The following INPP5D variants were observed in gnomAD, a reference collection of about 807,000 sequenced individuals.
INPP5D encodes inositol polyphosphate-5-phosphatase D.
Under a neutral mutation model 122.9 loss-of-function variants are expected in INPP5D, and 33 were observed. The observed-to-expected ratio is 0.27, with a 90% CI of 0.20 to 0.36. The LOEUF (loss-of-function observed/expected upper bound fraction) is 0.36, where lower values mean the gene tolerates loss of function less well. Among genes scored for constraint, INPP5D ranks in the 10% least tolerant of loss-of-function variants. The probability of loss-of-function intolerance (pLI) is 1.00; values close to 1 mark genes in which losing one functional copy is unlikely to be tolerated. For synonymous variants in INPP5D, 584 were observed against 576.2 expected, an observed-to-expected ratio of 1.01 and a Z score of -0.19; for missense variants, 1,053 against 1,412.7, an observed-to-expected ratio of 0.75 and a Z score of 4.08.
intron 24 of INPP5D, among the ~76,000 whole-genome samples, chr2:233,196,142 C>T (rs1267965558): frequency 6.6e-6 from 1 of 152,088 alleles, no homozygotes; most frequent in Non-Finnish European, 1.5e-5. Context: ...CAAAACAAAA[C>T]ACTAGCATGG....
intron 20 of INPP5D, 102 bp from the exon 21 acceptor site, chr2:233,185,741 G>T: frequency 1.5e-4 from 149 of 965,372 alleles, no homozygotes; most frequent in South Asian, 3.4e-4. Flanking sequence ...AAAAAAAGGA[G>T]AGAGCACATC....
At chr2:233,094,261 C>T (rs916520723) in intron 2 of INPP5D, among the ~76,000 whole-genome samples, 6 of 151,748 alleles carry the variant, frequency 4.0e-5, no homozygotes, top group African/African-American at 1.5e-4. Context: ...GCTTGTAATC[C>T]CAGCACTTTG....
intron 1 of INPP5D, among the ~76,000 whole-genome samples, chr2:233,075,046 G>A (rs186087176): frequency 4.7e-5 from 7 of 147,618 alleles, no homozygotes; most frequent in Admixed American, 2.6e-4. Flanking sequence ...GGGTTGACCT[G>A]GTCCAGAAAT....
At chr2:233,106,183 A>G (rs1692464166) in intron 2 of INPP5D, among the ~76,000 whole-genome samples, 1 of 152,086 alleles carries the variant, frequency 6.6e-6, no homozygotes. Context: ...AAATCTCAAT[A>G]CTTAATGACA....
At chr2:233,138,455 T>C (rs991063522) in intron 5 of INPP5D, among the ~76,000 whole-genome samples, 1 of 152,068 alleles carries the variant, frequency 6.6e-6, no homozygotes, top group East Asian at 1.9e-4. Flanking sequence ...AGCCATTAAC[T>C]AGAAATCAGC....
At chr2:233,184,569 CT>C in intron 20 of INPP5D, 48 bp downstream of exon 20, 1 of 1,604,494 alleles carries the variant, frequency 6.2e-7, no homozygotes. Context: ...CCGGAGCCTT[CT>C]TATAAACACC....
In INPP5D at chr2:233,170,514, C is replaced by A; in HGVS notation, c.1810C>A (p.Gln604Lys). ...GTTCCAGGAGGCAGAAACCATCATC[C>A]AGAAAATCAAGCAGCAGCAGTACGC... ...LPTWEAETII[Q>K]KIKQQQYADL... Residue 604 changes from glutamine to lysine, a missense_variant, in exon 16 of 27, where the codon CAG (glutamine) becomes AAG (lysine). Around this residue, in one of 6 missense-constraint regions of INPP5D, gnomAD observed 258 missense variants for 439.1 expected, o/e 0.59. Coordinates refer to ENST00000445964, the MANE Select transcript of INPP5D (RefSeq NM_001017915.3). This position sits in a 1 kb window ranked among gnomAD's most constrained non-coding sequence, Gnocchi z 4.5. 1 of 1,613,754 alleles carries A rather than the reference C, an allele frequency of 6.2e-7. No homozygotes were observed. Among genetic ancestry groups the A allele is most frequent in the Admixed American group, 1.7e-5 (1 of 59,994 alleles).
intron 2 of INPP5D, among the ~76,000 whole-genome samples, chr2:233,108,810 G>C (rs1692531753): frequency 6.6e-6 from 1 of 152,152 alleles, no homozygotes; most frequent in African/African-American, 2.4e-5. Flanking sequence ...TGTCTGACAG[G>C]CACTTACCCC....
At chr2:233,178,685 T>C (rs1694707795) in intron 18 of INPP5D, among the ~76,000 whole-genome samples, 1 of 152,064 alleles carries the variant, frequency 6.6e-6, no homozygotes, top group African/African-American at 2.4e-5. Context: ...GGTTACACCA[T>C]GTTGGTCAGG....
intron 5 of INPP5D, 137 bp downstream of exon 5, chr2:233,130,785 G>T: frequency 1.1e-6 from 1 of 922,410 alleles, no homozygotes; most frequent in South Asian, 1.4e-5. Flanking sequence ...GGTGAGCACA[G>T]CTTGGAAATC....
rs976056418 is a variant in INPP5D, at chr2:233,183,047, C to G, written c.2161+548C>G. On this transcript the variant is annotated intron_variant, in intron 19 of 26. Transcript: ENST00000445964. This position sits in a 1 kb window ranked among gnomAD's most constrained non-coding sequence, Gnocchi z 4.6. The stretch of plus-strand genomic sequence containing the variant: ...AATCGTTAAGATGGGATGCAAATGA[C>G]TGAGTTTTGGGAAACACCACAGTAA... Among the ~76,000 whole-genome samples the G allele has an allele frequency of 6.6e-6, 1 of 152,160 alleles. No individual in the cohort carries two copies. The highest frequency in any genetic ancestry group is 1.5e-5 in the Non-Finnish European group (1 of 68,040).
Position 233,087,132 on chromosome 2 carries a change from C to T in INPP5D, c.198+7734C>T, listed in dbSNP as rs368735986. The stretch of plus-strand genomic sequence containing the variant: ...TGCCCTTCGAGATCAGCTTCCGGGT[C>T]TAATTGTGTCTGTCAGATTTGCAAG... On this transcript the variant is annotated intron_variant, in intron 2 of 26. Transcript: ENST00000445964. Among the ~76,000 whole-genome samples, 6 of 152,196 alleles carry T rather than the reference C, an allele frequency of 3.9e-5. No individual in the cohort carries two copies. The East Asian group carries it at 1.2e-3, about 29-fold the overall frequency.
At chr2:233,175,445 G>A (rs1406006222) in intron 17 of INPP5D, among the ~76,000 whole-genome samples, 1 of 152,068 alleles carries the variant, frequency 6.6e-6, no homozygotes, top group Non-Finnish European at 1.5e-5. Context: ...GGAGATGTTA[G>A]TCACACTAAT....
Position 233,170,404 on chromosome 2 carries a change from G to T in INPP5D, c.1792-92G>T. ...CCTGCCACCATCACTCTGCAGCCCG[G>T]GTCATCCAGCTGCCCGCCCCCAGCC... On this transcript the variant is annotated intron_variant, in intron 15 of 26. Transcript: ENST00000445964. This position sits in a 1 kb window ranked among gnomAD's most constrained non-coding sequence, Gnocchi z 4.5. The T allele has an allele frequency of 6.4e-7, 1 of 1,565,646 alleles. No individual in the cohort carries two copies. The highest frequency in any genetic ancestry group is 1.2e-5 in the South Asian group (1 of 85,066).
chr2:233,161,839 G>C lies in INPP5D; in HGVS notation c.1240+13G>C. The C allele has an allele frequency of 6.2e-7, 1 of 1,607,836 alleles. No individual in the cohort carries two copies. The highest frequency in any genetic ancestry group is 8.5e-7 in the Non-Finnish European group (1 of 1,176,856). On this transcript the variant is annotated intron_variant, in intron 11 of 26. Transcript: ENST00000445964. Reference sequence around the variant, plus strand: ...ACCTGGAACATGGGTGGGTCCGCGCGCCCCCTCCCTGCAGTCACCCCCTCT... The same window carrying C: ...ACCTGGAACATGGGTGGGTCCGCGCCCCCCCTCCCTGCAGTCACCCCCTCT...
chr2:233,080,091 G>A (rs978530116), intron 2 of INPP5D, among the ~76,000 whole-genome samples: 5 of 151,978 alleles, frequency 3.3e-5, no homozygotes, highest in Admixed American at 1.3e-4. Flanking sequence ...CACCATGCCC[G>A]GCTGATTTTT....
At chr2:233,130,958 T>G in intron 5 of INPP5D, 1 of 512,034 alleles carries the variant, frequency 2.0e-6, no homozygotes, top group South Asian at 1.7e-5. Flanking sequence ...ATCCAGCTCT[T>G]AAGATTTTTG....
At chr2:233,182,544 A>C in intron 19 of INPP5D, 45 bp downstream of exon 19, 1 of 1,607,114 alleles carries the variant, frequency 6.2e-7, no homozygotes, top group South Asian at 1.1e-5. Flanking sequence ...CTCAATGACA[A>C]GGAGTGTTGG....
At chr2:233,114,884 T>A (rs1574737988) in intron 2 of INPP5D, among the ~76,000 whole-genome samples, 1 of 151,916 alleles carries the variant, frequency 6.6e-6, no homozygotes, top group African/African-American at 2.4e-5. Context: ...TTTTTTTTTT[T>A]TAGACAGAGT....
Sources: gnomAD v4.1 joint callset for allele counts (sites outside exome capture counted in the v4.1 genomes callset) on GRCh38, gnomAD v4.1.1 for gene constraint, gnomAD v4.1.1 regional missense constraint, Gnocchi (gnomAD v3.1) non-coding constraint, MANE v1.5 for transcripts, NCBI Gene and HGNC (gene_info 2026-07-23, HGNC 2026-07-21) for gene names.